Variants in C13orf42 observed in about 807,000 individuals in gnomAD.
C13orf42 encodes the protein uncharacterized protein C13orf42.
chr13:51,102,559 G>A (rs139435156), intron 1 of C13orf42, among the ~76,000 whole-genome samples: 1,971 of 152,262 alleles, frequency 0.013, 39 homozygotes, highest in African/African-American at 0.043. Context: ...AACCATTCTT[G>A]TAACAGGTGA....
chr13:51,147,977 T>G (rs1437660635), intron 1 of C13orf42, among the ~76,000 whole-genome samples: 1 of 152,146 alleles, frequency 6.6e-6, no homozygotes, highest in Non-Finnish European at 1.5e-5. Context: ...GTCTGACGTT[T>G]GCCACTCTGT....
chr13:51,116,821 G>A (rs928309691), intron 1 of C13orf42, among the ~76,000 whole-genome samples: 1 of 152,212 alleles, frequency 6.6e-6, no homozygotes, highest in Non-Finnish European at 1.5e-5. Context: ...TTCAGTGGTG[G>A]GTTGTCTGGG....
chr13:51,096,021 T>A (rs1029689385), intron 1 of C13orf42, among the ~76,000 whole-genome samples: 4 of 152,160 alleles, frequency 2.6e-5, no homozygotes, highest in African/African-American at 9.7e-5. Context: ...TTTAGTTTGG[T>A]TTTGAGTCAA....
At chr13:51,158,912 A>T (rs11148211) in intron 1 of C13orf42, among the ~76,000 whole-genome samples, 87,180 of 152,028 alleles carry the variant, frequency 0.57, 26,122 homozygotes, top group East Asian at 0.82. Context: ...CTGCCAAATA[A>T]TTTTTTCCAA....
intron 1 of C13orf42, among the ~76,000 whole-genome samples, chr13:51,132,466 A>G (rs1953625172): frequency 6.6e-6 from 1 of 151,994 alleles, no homozygotes; most frequent in African/African-American, 2.4e-5. Context: ...AGCTTACCGA[A>G]TGTTTTCTTA....
intron 1 of C13orf42, among the ~76,000 whole-genome samples, chr13:51,136,690 A>G (rs1299338504): frequency 1.3e-5 from 2 of 152,176 alleles, no homozygotes; most frequent in African/African-American, 4.8e-5. Flanking sequence ...AAGAGCACAC[A>G]AAGACAATTC....
chr13:51,166,276 G>A (rs1373065832), intron 1 of C13orf42, among the ~76,000 whole-genome samples: 1 of 151,714 alleles, frequency 6.6e-6, no homozygotes, highest in Non-Finnish European at 1.5e-5. Flanking sequence ...AAAATGATGA[G>A]TTCATGTCCT....
chr13:51,104,525 T>G (rs1208574253), intron 1 of C13orf42, among the ~76,000 whole-genome samples: 1 of 152,194 alleles, frequency 6.6e-6, no homozygotes, highest in African/African-American at 2.4e-5. Flanking sequence ...TTAACTGTAA[T>G]AGACTTCATT....
At chr13:51,137,313 G>A (rs557745836) in intron 1 of C13orf42, among the ~76,000 whole-genome samples, 1 of 152,242 alleles carries the variant, frequency 6.6e-6, no homozygotes, top group African/African-American at 2.4e-5. Context: ...GCACAGCCTC[G>A]GAGATGTGGG....
chr13:51,114,995 C>A (rs1593539775), upstream of C13orf42, among the ~76,000 whole-genome samples: 1 of 151,894 alleles, frequency 6.6e-6, no homozygotes, highest in African/African-American at 2.4e-5. Context: ...ATGTCATATA[C>A]CTTAAATAAA....
chr13:51,142,445 C>A (rs1953702531), intron 1 of C13orf42, among the ~76,000 whole-genome samples: 1 of 151,616 alleles, frequency 6.6e-6, no homozygotes, highest in Non-Finnish European at 1.5e-5. Context: ...ACATAAACAA[C>A]TAAAATAAAG....
chr13:51,114,934 T>C (rs1593539746), upstream of C13orf42, among the ~76,000 whole-genome samples: 1 of 152,224 alleles, frequency 6.6e-6, no homozygotes, highest in Non-Finnish European at 1.5e-5. Flanking sequence ...ATGACAGATA[T>C]GTTCATTTGC....
upstream of C13orf42, among the ~76,000 whole-genome samples, chr13:51,114,653 GACAGAC>G (rs61309247): frequency 0.093 from 7,838 of 84,584 alleles, 342 homozygotes; most frequent in African/African-American, 0.24. Flanking sequence ...GATAGAGATA[GACAGAC>G]AGACAGACAG....
rs1188507863 is a variant in C13orf42 at position 51,135,411 on chromosome 13, T to G, written n.137-22189A>C. ...ATCCCAGTGCTTTGGGAGGCCTAGA[T>G]GGGAGGATCTGGGAGGATTGCTTGA... On this transcript the variant is annotated intron_variant and non_coding_transcript_variant, in intron 1 of 4. Transcript: ENST00000433280. Among the ~76,000 whole-genome samples, 4 of 152,144 alleles carry G rather than the reference T, an allele frequency of 2.6e-5. No homozygotes were observed. In the East Asian group the frequency reaches 7.7e-4, roughly 29 times the overall value.
intron 1 of C13orf42, among the ~76,000 whole-genome samples, chr13:51,122,798 T>C (rs1052125648): frequency 6.6e-6 from 1 of 152,192 alleles, no homozygotes; most frequent in Non-Finnish European, 1.5e-5. Flanking sequence ...ATTCTGATTA[T>C]TTCTTTTCTT....
At chr13:51,167,386 G>A (rs1593560562) in intron 1 of C13orf42, among the ~76,000 whole-genome samples, 1 of 152,256 alleles carries the variant, frequency 6.6e-6, no homozygotes, top group East Asian at 1.9e-4. Flanking sequence ...CTAGAAGAAA[G>A]CACACACAAG....
chr13:51,086,795 C>T (rs1161270152), intron 2 of C13orf42, among the ~76,000 whole-genome samples: 3 of 152,026 alleles, frequency 2.0e-5, no homozygotes, highest in Admixed American at 2.0e-4. Context: ...TTTCCTAGGC[C>T]CCCTCACTCC....
chr13:51,138,786 C>T (rs193063261), intron 1 of C13orf42, among the ~76,000 whole-genome samples: 23 of 152,278 alleles, frequency 1.5e-4, no homozygotes, highest in Admixed American at 7.2e-4. Context: ...TTCCACACTC[C>T]CATGTTCCCT....
chr13:51,139,419 T>G (rs981664039), intron 1 of C13orf42, among the ~76,000 whole-genome samples: 1 of 152,244 alleles, frequency 6.6e-6, no homozygotes. Context: ...TCAACAGGTA[T>G]AAAATTTGTT....
Sources: allele counts gnomAD v4.1 joint callset (sites outside exome capture counted in the v4.1 genomes callset), GRCh38; gene constraint gnomAD v4.1.1; transcripts MANE v1.5; gene names NCBI Gene and HGNC (gene_info 2026-07-23, HGNC 2026-07-21).